Variants in DLC1 observed in about 807,000 individuals in gnomAD.
DLC1 encodes rho GTPase-activating protein 7.
In DLC1, 54 loss-of-function variants were observed where a neutral mutation model predicts 140.3. The ratio of observed to expected loss-of-function variants is 0.38; its 90% CI spans 0.31 to 0.48. The LOEUF (loss-of-function observed/expected upper bound fraction) is 0.48, where lower values mean the gene tolerates loss of function less well. Among genes scored for constraint, DLC1 ranks in the 20% least tolerant of loss-of-function variants. DLC1 has a pLI of 0.96. For missense variants in DLC1, 2,536 were observed against 1,907.0 expected, an observed-to-expected ratio of 1.33 and a Z score of -6.14; for synonymous variants, 986 against 728.1, an observed-to-expected ratio of 1.35 and a Z score of -5.70.
intron 1 of DLC1, among the ~76,000 whole-genome samples, chr8:13,523,671 A>G (rs1157804022): frequency 6.6e-6 from 1 of 152,204 alleles, no homozygotes; most frequent in Non-Finnish European, 1.5e-5. Flanking sequence ...CACTCTTGAT[A>G]TTGAAAGGAA....
chr8:13,146,288 AT>A (rs1407529894), intron 5 of DLC1, among the ~76,000 whole-genome samples: 1 of 151,348 alleles, frequency 6.6e-6, no homozygotes, highest in African/African-American at 2.4e-5. Context: ...AAAAAAAAAA[AT>A]ACACTGTAAT....
chr8:13,345,915 T>C (rs1834314321), intron 4 of DLC1, among the ~76,000 whole-genome samples: 1 of 152,164 alleles, frequency 6.6e-6, no homozygotes, highest in Non-Finnish European at 1.5e-5. Context: ...TTTTATTTTA[T>C]CTTAGGGAGG....
Position 13,542,872 on chromosome 8 carries a change from C to G in DLC1, c.-125-42676G>C, listed in dbSNP as rs73665141. ...GTTCTAATAACTTTTTTGTTGATTC[C>G]CTATGAGTTTTTTACCTAGATAATT... On this transcript the variant is annotated intron_variant, in intron 1 of 1. Coordinates refer to the DLC1 transcript ENST00000631382. Among the ~76,000 whole-genome samples, 104 of 151,746 alleles carry G rather than the reference C, an allele frequency of 6.9e-4. 1 individual carries two copies. The highest frequency in any genetic ancestry group is 2.4e-3 in the African/African-American group (98 of 41,416).
chr8:13,248,236 A>AT (rs1829846303), intron 5 of DLC1, among the ~76,000 whole-genome samples: 1 of 152,190 alleles, frequency 6.6e-6, no homozygotes, highest in Non-Finnish European at 1.5e-5. Flanking sequence ...TATTTAATTG[A>AT]TAACACACTC....
intron 1 of DLC1, chr8:13,567,807 A>T: frequency 6.4e-7 from 1 of 1,551,842 alleles, no homozygotes; most frequent in Non-Finnish European, 8.7e-7. Context: ...GTCATATCAG[A>T]TACTCTGGTT....
chr8:13,369,349 T>C (rs1835630134), intron 4 of DLC1, among the ~76,000 whole-genome samples: 1 of 75,852 alleles, frequency 1.3e-5, no homozygotes, highest in African/African-American at 5.7e-5. Flanking sequence ...TATTTTTGGC[T>C]GGGTCGAAAA....
At chr8:13,453,422 A>ATATTTTTTTTTTTTTTTTTTTTTTT (rs1554523043) in intron 2 of DLC1, among the ~76,000 whole-genome samples, 15 of 32,566 alleles carry the variant, frequency 4.6e-4, no homozygotes, top group African/African-American at 2.2e-3. Context: ...ATATATATAT[A>ATATTTTTTTTTTTTTTTTTTTTTTT]TGTGTATATA....
intron 5 of DLC1, among the ~76,000 whole-genome samples, chr8:13,168,313 T>C (rs1336551385): frequency 6.6e-6 from 1 of 152,214 alleles, no homozygotes; most frequent in Admixed American, 6.5e-5. Flanking sequence ...ACCAATATTT[T>C]CCTAAATGAA....
At chr8:13,305,360 A>G (rs1165425276) in intron 4 of DLC1, 58 bp from the exon 5 acceptor site, 8 of 1,513,860 alleles carry the variant, frequency 5.3e-6, no homozygotes, top group Non-Finnish European at 6.2e-6. Flanking sequence ...AGAAAGCATC[A>G]TTAGAAATAA....
chr8:13,391,601 CA>C, intron 4 of DLC1, among the ~76,000 whole-genome samples: 1 of 152,032 alleles, frequency 6.6e-6, no homozygotes, highest in Non-Finnish European at 1.5e-5. Flanking sequence ...AAAACTTTTA[CA>C]AAAAATGGTT....
At chr8:13,139,590 T>C (rs1308038010) in intron 5 of DLC1, among the ~76,000 whole-genome samples, 1 of 152,222 alleles carries the variant, frequency 6.6e-6, no homozygotes, top group East Asian at 1.9e-4. Flanking sequence ...AGTCCTGATT[T>C]GATAAATCAA....
chr8:13,120,798 G>A (rs1820998767), intron 5 of DLC1, among the ~76,000 whole-genome samples: 1 of 152,110 alleles, frequency 6.6e-6, no homozygotes, highest in African/African-American at 2.4e-5. Flanking sequence ...ACCCTTTTGT[G>A]TATGGCTGGG....
intron 5 of DLC1, among the ~76,000 whole-genome samples, chr8:13,199,669 G>C (rs1827269303): frequency 6.6e-6 from 1 of 151,900 alleles, no homozygotes; most frequent in African/African-American, 2.4e-5. Flanking sequence ...TTTATGAATG[G>C]CTTCTTCATA....
chr8:13,132,887 C>T, intron 5 of DLC1: 1 of 1,548,244 alleles, frequency 6.5e-7, no homozygotes, highest in African/African-American at 1.4e-5. Context: ...CGCGGCGGGT[C>T]CCCTCCGCAG....
chr8:13,509,851 C>T lies in DLC1; in HGVS notation c.-126+4751G>A, dbSNP rs139013169. ...GGGTTAGTTACCTAAATTCTATGTA[C>T]CTCAGTTTTCTCAGTTCTGTAATGG... is the stretch of plus-strand genomic sequence containing the variant. On this transcript the variant is annotated intron_variant, in intron 1 of 17. Coordinates refer to ENST00000276297, the MANE Select transcript of DLC1 (RefSeq NM_182643.3). 4.9e-3 allele frequency among the ~76,000 whole-genome samples: 748 copies of T among 152,178 alleles called. 4 individuals are homozygous for T. The highest frequency in any genetic ancestry group is 0.017 in the African/African-American group (721 of 41,512).
intron 2 of DLC1, among the ~76,000 whole-genome samples, chr8:13,494,886 AG>A (rs1369138360): frequency 1.3e-5 from 2 of 152,054 alleles, no homozygotes; most frequent in African/African-American, 2.4e-5. Flanking sequence ...AGGAGGCGGA[AG>A]TTGCAATGGG....
intron 5 of DLC1, among the ~76,000 whole-genome samples, chr8:13,154,929 CTT>C (rs1230248379): frequency 6.6e-6 from 1 of 151,992 alleles, no homozygotes; most frequent in Non-Finnish European, 1.5e-5. Flanking sequence ...ATTTAAAAAA[CTT>C]ATGTTTTTAA....
chr8:13,167,775 C>T (rs1825204675), intron 5 of DLC1, among the ~76,000 whole-genome samples: 1 of 152,210 alleles, frequency 6.6e-6, no homozygotes, highest in Non-Finnish European at 1.5e-5. Context: ...TTGCAAATGG[C>T]ATTACCTGCA....
chr8:13,156,835 C>T (rs1038297475), intron 5 of DLC1, among the ~76,000 whole-genome samples: 1 of 152,216 alleles, frequency 6.6e-6, no homozygotes, highest in Non-Finnish European at 1.5e-5. Context: ...TGCTTTGCCC[C>T]TTTGAAAATG....
Sources: allele counts gnomAD v4.1 joint callset (sites outside exome capture counted in the v4.1 genomes callset), GRCh38; gene constraint gnomAD v4.1.1; transcripts MANE v1.5; gene names NCBI Gene and HGNC (gene_info 2026-07-23, HGNC 2026-07-21).